Variants in RMDN2 observed in about 807,000 individuals in gnomAD.
RMDN2 encodes regulator of microtubule dynamics 2, also known as regulator of microtubule dynamics protein 2.
A neutral mutation model predicts 52.8 loss-of-function variants in RMDN2; 61 were observed. The ratio of observed to expected loss-of-function variants is 1.16; its 90% CI spans 0.94 to 1.43. The LOEUF is 1.43. Ranked by LOEUF, RMDN2 falls within the 40% of genes most tolerant of loss-of-function variation. The probability of loss-of-function intolerance (pLI) is 0.00; values close to 1 mark genes in which losing one functional copy is unlikely to be tolerated. For missense variants in RMDN2, 592 were observed against 475.3 expected (o/e 1.25, Z -2.28); for synonymous variants, 180 against 153.1 (o/e 1.18, Z -1.30).
At chr2:37,941,973 C>T (rs950638205) in intron 2 of RMDN2, among the ~76,000 whole-genome samples, 1 of 151,642 alleles carries the variant, frequency 6.6e-6, no homozygotes, top group African/African-American at 2.4e-5. Flanking sequence ...CTGCAGCTAG[C>T]TCGGTATCTG....
At chr2:37,946,082 A>T (rs183215620) in intron 2 of RMDN2, among the ~76,000 whole-genome samples, 59 of 152,346 alleles carry the variant, frequency 3.9e-4, no homozygotes, top group Middle Eastern at 3.4e-3. Flanking sequence ...TTCTAAGATG[A>T]ACATTTTTAA....
chr2:38,050,187 G>T (rs1681501174), intron 10 of RMDN2, among the ~76,000 whole-genome samples: 1 of 151,966 alleles, frequency 6.6e-6, no homozygotes, highest in Admixed American at 6.6e-5. Flanking sequence ...AACTCTGTGA[G>T]ACCTCGCACC....
chr2:38,019,403 C>T (rs1351320287), downstream of RMDN2, among the ~76,000 whole-genome samples: 1 of 152,174 alleles, frequency 6.6e-6, no homozygotes, highest in Non-Finnish European at 1.5e-5. Flanking sequence ...CATAATATGT[C>T]TTCAATGGAC....
At chr2:37,989,077 G>T (rs1160537167) in intron 5 of RMDN2, among the ~76,000 whole-genome samples, 1 of 152,110 alleles carries the variant, frequency 6.6e-6, no homozygotes, top group African/African-American at 2.4e-5. Context: ...TCATGAAATT[G>T]TAAGTTTTTT....
At chr2:38,003,388 A>G (rs1193801228) in intron 8 of RMDN2, among the ~76,000 whole-genome samples, 1 of 152,164 alleles carries the variant, frequency 6.6e-6, no homozygotes, top group East Asian at 1.9e-4. Context: ...TCCCATCTCT[A>G]TTAAAAATAC....
rs539712580 is a variant in RMDN2 at position 38,034,550 on chromosome 2, C to G, written c.1713+30334C>G. On this transcript the variant is annotated intron_variant, in intron 10 of 10. Transcript: ENST00000234195. ...ATGCTGATCCTAAAGCATTCGAGAT[C>G]CTGAAGTATCTTCAGCATTATCAAA... Among the ~76,000 whole-genome samples the G allele has an allele frequency of 5.9e-4, 90 of 152,080 alleles. 1 individual carries two copies. Among genetic ancestry groups the G allele is most frequent in the Non-Finnish European group, 5.9e-5 (4 of 67,990 alleles).
chr2:37,953,366 C>T (rs968375878), intron 2 of RMDN2, among the ~76,000 whole-genome samples: 1 of 151,982 alleles, frequency 6.6e-6, no homozygotes, highest in Non-Finnish European at 1.5e-5. Flanking sequence ...CTCCCTAGCC[C>T]TTGTCAACCA....
chr2:37,952,114 T>A, intron 2 of RMDN2: 3 of 1,613,148 alleles, frequency 1.9e-6, no homozygotes, highest in Non-Finnish European at 2.5e-6. Context: ...CAAAGCGAAT[T>A]AACTTCAGGC....
chr2:37,992,147 G>C (rs1369397755), intron 7 of RMDN2, among the ~76,000 whole-genome samples: 1 of 146,804 alleles, frequency 6.8e-6, no homozygotes, highest in African/African-American at 2.5e-5. Flanking sequence ...TATTATACCA[G>C]TTTTAAAAGA....
chr2:38,063,521 G>C (rs1682140646), intron 10 of RMDN2, among the ~76,000 whole-genome samples: 1 of 152,128 alleles, frequency 6.6e-6, no homozygotes, highest in Non-Finnish European at 1.5e-5. Context: ...AACACCAAAA[G>C]TAATGGCAAC....
intron 3 of RMDN2, 30 bp downstream of exon 3, chr2:37,974,244 AG>A: frequency 6.9e-7 from 1 of 1,439,040 alleles, no homozygotes; most frequent in African/African-American, 1.5e-5. Flanking sequence ...CACTTCGTAT[AG>A]TTCCATTTTT....
chr2:38,034,345 G>T (rs1680430066), intron 10 of RMDN2, among the ~76,000 whole-genome samples: 1 of 152,186 alleles, frequency 6.6e-6, no homozygotes, highest in Non-Finnish European at 1.5e-5. Context: ...ACATGATGGG[G>T]AGATCAGGAG....
At chr2:37,961,985 C>T (rs1195889367) in intron 2 of RMDN2, among the ~76,000 whole-genome samples, 1 of 152,238 alleles carries the variant, frequency 6.6e-6, no homozygotes, top group African/African-American at 2.4e-5. Context: ...TGGGAGTCCA[C>T]TCCAAACACT....
chr2:37,935,488 T>C (rs181982089), intron 2 of RMDN2, among the ~76,000 whole-genome samples: 82 of 152,368 alleles, frequency 5.4e-4, no homozygotes, highest in Non-Finnish European at 7.8e-4. Context: ...CTTGCTGTTA[T>C]AGTTGTCTAA....
chr2:37,996,199 A>G (rs1157226634), intron 7 of RMDN2, among the ~76,000 whole-genome samples: 1 of 152,220 alleles, frequency 6.6e-6, no homozygotes, highest in Non-Finnish European at 1.5e-5. Flanking sequence ...GAAATAAGCA[A>G]TATATTATTT....
chr2:38,052,664 T>C (rs1301524345), intron 10 of RMDN2, among the ~76,000 whole-genome samples: 1 of 152,216 alleles, frequency 6.6e-6, no homozygotes, highest in Admixed American at 6.5e-5. Context: ...TGATTCTCTA[T>C]AGTCATGTAT....
chr2:38,031,553 T>C (rs1358763223), intron 10 of RMDN2, among the ~76,000 whole-genome samples: 1 of 152,192 alleles, frequency 6.6e-6, no homozygotes, highest in African/African-American at 2.4e-5. Context: ...TCTACCTAAC[T>C]GTCACAAATC....
intron 2 of RMDN2, among the ~76,000 whole-genome samples, chr2:37,973,635 G>C (rs1438716687): frequency 1.3e-5 from 2 of 152,156 alleles, no homozygotes; most frequent in Non-Finnish European, 2.9e-5. Flanking sequence ...AGAGTGGTCT[G>C]GATGGGCCAC....
At chr2:37,956,813 C>T (rs184212369) in intron 2 of RMDN2, among the ~76,000 whole-genome samples, 1 of 151,988 alleles carries the variant, frequency 6.6e-6, no homozygotes, top group South Asian at 2.1e-4. Context: ...CCTTGCTCCC[C>T]ACCCCCAACA....
Sources: gnomAD v4.1 joint callset for allele counts (sites outside exome capture counted in the v4.1 genomes callset) on GRCh38, gnomAD v4.1.1 for gene constraint, MANE v1.5 for transcripts, NCBI Gene and HGNC (gene_info 2026-07-23, HGNC 2026-07-21) for gene names.